Variants in MAGI2 observed in about 807,000 individuals in gnomAD.
MAGI2 encodes membrane associated guanylate kinase, WW and PDZ domain containing 2, also known as membrane-associated guanylate kinase, WW and PDZ domain-containing protein 2.
In MAGI2, 35 loss-of-function variants were observed where a neutral mutation model predicts 133.3. The ratio of observed to expected loss-of-function variants is 0.26; its 90% CI spans 0.20 to 0.35. MAGI2 has a LOEUF of 0.35. Ranked by LOEUF, MAGI2 falls within the 10% of genes least tolerant of loss-of-function variation. MAGI2 has a pLI of 1.00. For synonymous variants in MAGI2, 729 were observed against 710.6 expected, an observed-to-expected ratio of 1.03 and a Z score of -0.41; for missense variants, 1,636 against 1,863.4, an observed-to-expected ratio of 0.88 and a Z score of 2.25.
chr7:79,093,074 C>G (rs1011692102), intron 1 of MAGI2, among the ~76,000 whole-genome samples: 7 of 151,792 alleles, frequency 4.6e-5, no homozygotes, highest in Admixed American at 1.3e-4. Context: ...TTGAGGTGCT[C>G]TAACCCTAAG....
chr7:78,266,464 A>T (rs149471593), intron 9 of MAGI2, among the ~76,000 whole-genome samples: 3 of 152,086 alleles, frequency 2.0e-5, no homozygotes, highest in Non-Finnish European at 2.9e-5. Flanking sequence ...TGGCCTCCCA[A>T]AATTGTGCGA....
At chr7:78,127,078 A>G in intron 19 of MAGI2, 119 bp downstream of exon 19, 1 of 731,556 alleles carries the variant, frequency 1.4e-6, no homozygotes, top group Non-Finnish European at 2.2e-6. Flanking sequence ...CAGAACTAGG[A>G]ATAGAACTTC....
chr7:79,198,076 G>A lies in MAGI2; in HGVS notation c.302-190870C>T, dbSNP rs146369015. On this transcript the variant is annotated intron_variant, in intron 1 of 21. Transcript: ENST00000354212. ...AGCCTGGGCAATATAGTGAGACCCC[G>A]ATTCTACATAAAAATAAGTTTTAAA... is the stretch of plus-strand genomic sequence containing the variant. 3.4e-4 allele frequency among the ~76,000 whole-genome samples: 52 copies of A among 151,760 alleles called. 1 individual carries two copies. Among genetic ancestry groups the A allele is most frequent in the South Asian group, 1.2e-3 (6 of 4,808 alleles).
chr7:78,680,895 A>T (rs1345937498), intron 2 of MAGI2, among the ~76,000 whole-genome samples: 2 of 152,074 alleles, frequency 1.3e-5, no homozygotes, highest in African/African-American at 4.8e-5. Flanking sequence ...ATGGATCTTG[A>T]TGGAGGCTCA....
At chr7:79,395,835 C>T (rs2129156458) in intron 1 of MAGI2, among the ~76,000 whole-genome samples, 1 of 152,202 alleles carries the variant, frequency 6.6e-6, no homozygotes, top group Non-Finnish European at 1.5e-5. Context: ...TCTAGAATAG[C>T]TATGCAGACC....
Position 79,066,159 on chromosome 7 carries a change from T to A in MAGI2, c.302-58953A>T, listed in dbSNP as rs373531073. 5.3e-5 allele frequency among the ~76,000 whole-genome samples: 8 copies of A among 152,308 alleles called. No homozygotes were observed. In the South Asian group the frequency reaches 1.7e-3, roughly 32 times the overall value. On this transcript the variant is annotated intron_variant, in intron 1 of 21. Coordinates refer to ENST00000354212, the MANE Select transcript of MAGI2 (RefSeq NM_012301.4). Reference sequence around the variant, plus strand: ...ATAGTGTCTGCCACAATGGTTGAACTAATTTACACTCCCACCAACAGTGTA... The same window carrying A: ...ATAGTGTCTGCCACAATGGTTGAACAAATTTACACTCCCACCAACAGTGTA...
At chr7:78,981,983 C>T (rs1804830559) in intron 2 of MAGI2, among the ~76,000 whole-genome samples, 1 of 151,840 alleles carries the variant, frequency 6.6e-6, no homozygotes, top group African/African-American at 2.4e-5. Context: ...ATATTTTTAG[C>T]ATCCCAACTT....
At chr7:79,396,705 C>T (rs911171820) in intron 1 of MAGI2, among the ~76,000 whole-genome samples, 4 of 152,082 alleles carry the variant, frequency 2.6e-5, no homozygotes, top group Non-Finnish European at 1.5e-5. Context: ...AACTCTCTGA[C>T]ACTCAGAGTT....
intron 20 of MAGI2, among the ~76,000 whole-genome samples, chr7:78,092,469 A>C (rs1434314666): frequency 6.6e-6 from 1 of 152,234 alleles, no homozygotes; most frequent in East Asian, 1.9e-4. Flanking sequence ...CGAGTGTCTA[A>C]AAATCTTGTT....
chr7:78,682,881 A>G (rs1388562869), intron 2 of MAGI2, among the ~76,000 whole-genome samples: 2 of 152,194 alleles, frequency 1.3e-5, no homozygotes, highest in African/African-American at 4.8e-5. Flanking sequence ...GAGACGATAA[A>G]AACAATCCAG....
chr7:79,155,469 A>G (rs1224212598), intron 1 of MAGI2, among the ~76,000 whole-genome samples: 1 of 152,124 alleles, frequency 6.6e-6, no homozygotes, highest in Non-Finnish European at 1.5e-5. Flanking sequence ...ATATAATTAC[A>G]CATTGAGAGA....
At chr7:79,108,905 C>G (rs1335305306) in intron 1 of MAGI2, among the ~76,000 whole-genome samples, 1 of 152,136 alleles carries the variant, frequency 6.6e-6, no homozygotes, top group Non-Finnish European at 1.5e-5. Context: ...CCCCTATTCT[C>G]TCTTTGGCTC....
chr7:78,957,822 A>G (rs1470911025), intron 2 of MAGI2, among the ~76,000 whole-genome samples: 4 of 152,144 alleles, frequency 2.6e-5, no homozygotes, highest in African/African-American at 7.2e-5. Context: ...CAACATGTAT[A>G]TACCTTGCTC....
chr7:78,650,825 T>C (rs749949398), intron 2 of MAGI2, among the ~76,000 whole-genome samples: 7 of 152,172 alleles, frequency 4.6e-5, no homozygotes, highest in Non-Finnish European at 1.0e-4. Flanking sequence ...CTGTAAGTAG[T>C]ATTCTGTTTG....
At chr7:78,255,789 C>A (rs950797750) in intron 10 of MAGI2, 154 bp downstream of exon 10, 4 of 770,116 alleles carry the variant, frequency 5.2e-6, no homozygotes, top group Admixed American at 5.5e-5. Context: ...AACAAAGTTT[C>A]CTTTAATTCA....
At chr7:78,354,031 C>T (rs1268004969) in intron 7 of MAGI2, among the ~76,000 whole-genome samples, 1 of 152,184 alleles carries the variant, frequency 6.6e-6, no homozygotes, top group Non-Finnish European at 1.5e-5. Flanking sequence ...CTTCAACACA[C>T]ATCAACCAAG....
intron 6 of MAGI2, among the ~76,000 whole-genome samples, chr7:78,378,814 G>C (rs953944): frequency 0.82 from 124,110 of 151,868 alleles, 50,821 homozygotes; most frequent in Admixed American, 0.85. Flanking sequence ...AAGCTTATAT[G>C]AAAGGTGGGG....
chr7:78,617,921 T>G (rs1807283197), intron 3 of MAGI2: 1 of 152,018 alleles, frequency 6.6e-6, no homozygotes, highest in Non-Finnish European at 1.5e-5. Flanking sequence ...TCAACTAGAT[T>G]TTACTCTCCT....
chr7:78,636,524 C>T (rs915602033), intron 2 of MAGI2, among the ~76,000 whole-genome samples: 2 of 152,050 alleles, frequency 1.3e-5, no homozygotes, highest in South Asian at 2.1e-4. Context: ...CAAGGCCGGG[C>T]GCTGTGGCTC....
Sources: gnomAD v4.1 joint callset for allele counts (sites outside exome capture counted in the v4.1 genomes callset) on GRCh38, gnomAD v4.1.1 for gene constraint, MANE v1.5 for transcripts, NCBI Gene and HGNC (gene_info 2026-07-23, HGNC 2026-07-21) for gene names.